B3GALT1: variants seen among roughly 807,000 people sequenced by gnomAD.
B3GALT1 encodes the protein UDP-Gal:betaGlcNAc beta 1,3-galactosyltransferase, polypeptide 1.
B3GALT1 carries 10 observed loss-of-function variants against 23.2 expected under a neutral mutation model. That is an observed-to-expected ratio of 0.43 (90% confidence interval 0.27 to 0.73). B3GALT1 has a LOEUF of 0.73. Among genes scored for constraint, B3GALT1 ranks in the 30% least tolerant of loss-of-function variants. The pLI, the probability that B3GALT1 is intolerant of heterozygous loss-of-function variation, is 0.21. For missense variants in B3GALT1, 299 were observed against 405.4 expected (o/e 0.74, Z 2.25); for synonymous variants, 156 against 141.5 (o/e 1.10, Z -0.73).
intron 1 of B3GALT1, among the ~76,000 whole-genome samples, chr2:167,364,338 A>ATATAT (rs58217518): frequency 1.3e-5 from 2 of 149,596 alleles, no homozygotes; most frequent in Non-Finnish European, 3.0e-5. Context: ...ATATATATAT[A>ATATAT]GTTTTTTTTT....
At chr2:167,413,529 AT>A (rs1459882505) in intron 1 of B3GALT1, among the ~76,000 whole-genome samples, 1 of 151,966 alleles carries the variant, frequency 6.6e-6, no homozygotes, top group Non-Finnish European at 1.5e-5. Context: ...AATCCTATAT[AT>A]TTTGAAGCTG....
intron 3 of B3GALT1, among the ~76,000 whole-genome samples, chr2:167,800,846 G>A (rs1047509512): frequency 2.6e-5 from 4 of 152,120 alleles, no homozygotes; most frequent in Non-Finnish European, 4.4e-5. Context: ...CAGCTTTCAC[G>A]TCTTCGCCTA....
At chr2:167,651,261 TGTGTGTGTGTGCGC>T (rs781423383) in intron 3 of B3GALT1, among the ~76,000 whole-genome samples, 2,267 of 14,396 alleles carry the variant, frequency 0.16, 115 homozygotes, top group Admixed American at 0.47. Flanking sequence ...TGTGTGTGTG[TGTGTGTGTGTGCGC>T]GCACGTGCAC....
intron 4 of B3GALT1, among the ~76,000 whole-genome samples, chr2:167,848,269 C>T (rs1043776457): frequency 3.9e-5 from 6 of 152,040 alleles, no homozygotes; most frequent in African/African-American, 1.4e-4. Context: ...AATACCAAAA[C>T]CAGGAACGGA....
chr2:167,406,008 A>C (rs1574066352), intron 1 of B3GALT1, among the ~76,000 whole-genome samples: 1 of 152,122 alleles, frequency 6.6e-6, no homozygotes, highest in South Asian at 2.1e-4. Context: ...TTGTGTAAGG[A>C]TAGATGGTAT....
intron 1 of B3GALT1, among the ~76,000 whole-genome samples, chr2:167,463,680 G>A (rs1029783519): frequency 1.1e-4 from 16 of 152,102 alleles, no homozygotes; most frequent in African/African-American, 3.9e-4. Flanking sequence ...TCAAGATTAT[G>A]TAAAAGTGGA....
At chr2:167,692,809 T>C (rs1686734831) in intron 3 of B3GALT1, among the ~76,000 whole-genome samples, 1 of 152,124 alleles carries the variant, frequency 6.6e-6, no homozygotes, top group Non-Finnish European at 1.5e-5. Flanking sequence ...TTTAAAATTA[T>C]CTTAATTTTT....
At chr2:167,551,687 C>T (rs1408494093) in intron 2 of B3GALT1, among the ~76,000 whole-genome samples, 1 of 151,998 alleles carries the variant, frequency 6.6e-6, no homozygotes, top group Non-Finnish European at 1.5e-5. Flanking sequence ...TGCAAATTGC[C>T]CAGATGAGGT....
chr2:167,508,916 A>G (rs2105352746), intron 2 of B3GALT1, among the ~76,000 whole-genome samples: 1 of 152,374 alleles, frequency 6.6e-6, no homozygotes, highest in East Asian at 1.9e-4. Context: ...TAACATGTTT[A>G]CATAGGAATT....
chr2:167,701,657 GTCCT>G (rs2105510170), intron 3 of B3GALT1, among the ~76,000 whole-genome samples: 1 of 152,220 alleles, frequency 6.6e-6, no homozygotes, highest in South Asian at 2.1e-4. Context: ...TAAGGCAGAT[GTCCT>G]TGATCAAAAA....
chr2:167,792,008 A>T (rs1203522567), intron 3 of B3GALT1, among the ~76,000 whole-genome samples: 1 of 152,088 alleles, frequency 6.6e-6, no homozygotes, highest in African/African-American at 2.4e-5. Flanking sequence ...AGTGCAATTT[A>T]TGACTTTTAA....
At chr2:167,763,975 G>A (rs1687936550) in intron 3 of B3GALT1, among the ~76,000 whole-genome samples, 1 of 152,220 alleles carries the variant, frequency 6.6e-6, no homozygotes, top group Non-Finnish European at 1.5e-5. Context: ...TGATGCTTTT[G>A]GAAATGAAAT....
intron 3 of B3GALT1, chr2:167,715,473 G>C (rs190632101): frequency 6.8e-6 from 11 of 1,607,732 alleles, no homozygotes; most frequent in Middle Eastern, 3.3e-4. Flanking sequence ...TCAGTCATTG[G>C]AAGAATCTTG....
At chr2:167,318,783 G>A (rs1356423651) in intron 1 of B3GALT1, among the ~76,000 whole-genome samples, 2 of 152,006 alleles carry the variant, frequency 1.3e-5, no homozygotes, top group Admixed American at 1.3e-4. Flanking sequence ...TGGGAGAAAT[G>A]TTCAGCTGCT....
intron 3 of B3GALT1, among the ~76,000 whole-genome samples, chr2:167,731,549 G>A (rs1687409399): frequency 6.6e-6 from 1 of 152,168 alleles, no homozygotes; most frequent in Non-Finnish European, 1.5e-5. Context: ...TGCAACTGCA[G>A]CATCTTTTGT....
In B3GALT1 at chr2:167,736,748, GAA is replaced by G. The variant is rs533374045; in HGVS notation, c.-351-81922_-351-81921del. ...GAAACCCTGTTTCTACTAAAAAAAAGAAAGAAAAATATGTATATGTATATACA... is the reference window on the plus strand; with the variant it reads ...GAAACCCTGTTTCTACTAAAAAAAAGAGAAAAATATGTATATGTATATACA... On this transcript the variant is annotated intron_variant, in intron 3 of 4. Transcript: ENST00000392690. 6.6e-5 allele frequency among the ~76,000 whole-genome samples: 10 copies of G among 152,200 alleles called. No homozygotes were observed. In the East Asian group the frequency reaches 1.9e-3, roughly 29 times the overall value.
At chr2:167,552,891 T>C (rs1027294921) in intron 2 of B3GALT1, among the ~76,000 whole-genome samples, 2 of 152,204 alleles carry the variant, frequency 1.3e-5, no homozygotes, top group Admixed American at 1.3e-4. Flanking sequence ...TGCTGTTTTT[T>C]GAAATATGTT....
At chr2:167,465,403 G>T (rs1699329355) in intron 1 of B3GALT1, among the ~76,000 whole-genome samples, 2 of 152,024 alleles carry the variant, frequency 1.3e-5, no homozygotes, top group Non-Finnish European at 2.9e-5. Context: ...TTTCCTCACG[G>T]TTCTGGAGGC....
At chr2:167,867,176 T>G (rs1690247556) in intron 4 of B3GALT1, among the ~76,000 whole-genome samples, 1 of 152,206 alleles carries the variant, frequency 6.6e-6, no homozygotes, top group South Asian at 2.1e-4. Context: ...TCCGCCCCCC[T>G]TGGCCTCCCA....
Sources: allele counts gnomAD v4.1 joint callset (sites outside exome capture counted in the v4.1 genomes callset), GRCh38; gene constraint gnomAD v4.1.1; transcripts MANE v1.5; gene names NCBI Gene and HGNC (gene_info 2026-07-23, HGNC 2026-07-21).